Variants in PELI2 observed in about 807,000 individuals in gnomAD.
The protein encoded by PELI2 is E3 ubiquitin-protein ligase pellino homolog 2.
A neutral mutation model predicts 42.3 loss-of-function variants in PELI2; 23 were observed. The observed-to-expected ratio is 0.54, with a 90% CI of 0.39 to 0.77. PELI2 has a LOEUF of 0.77. Ranked by LOEUF, PELI2 falls within the 30% of genes least tolerant of loss-of-function variation. The pLI is 0.00. For missense variants in PELI2, 463 were observed against 553.2 expected (o/e 0.84, Z 1.64); for synonymous variants, 245 against 212.2 (o/e 1.15, Z -1.34).
chr14:56,161,600 A>G (rs1318886449), intron 1 of PELI2, among the ~76,000 whole-genome samples: 5 of 152,258 alleles, frequency 3.3e-5, no homozygotes, highest in Admixed American at 6.5e-5. Flanking sequence ...TACCTTGACT[A>G]TCTTGCCTAC....
At chr14:56,276,478 C>G (rs540452387) in intron 2 of PELI2, among the ~76,000 whole-genome samples, 1 of 152,144 alleles carries the variant, frequency 6.6e-6, no homozygotes, top group Admixed American at 6.5e-5. Context: ...ACCAGTACTC[C>G]GGGCCTTTGT....
intron 2 of PELI2, among the ~76,000 whole-genome samples, chr14:56,198,460 AG>A (rs1246942460): frequency 3.9e-5 from 6 of 152,222 alleles, no homozygotes; most frequent in Non-Finnish European, 8.8e-5. Context: ...AGACTGGAGT[AG>A]CTGACAACAT....
intron 3 of PELI2, among the ~76,000 whole-genome samples, chr14:56,282,705 C>T (rs1300949217): frequency 6.6e-6 from 1 of 152,014 alleles, no homozygotes; most frequent in East Asian, 1.9e-4. Context: ...TGTGGTTTTA[C>T]TCTCCATGCC....
chr14:56,213,030 G>C (rs1419063890), intron 2 of PELI2, among the ~76,000 whole-genome samples: 1 of 152,190 alleles, frequency 6.6e-6, no homozygotes, highest in Non-Finnish European at 1.5e-5. Flanking sequence ...GATGGCAGGG[G>C]CCCTTTCCTA....
intron 1 of PELI2, among the ~76,000 whole-genome samples, chr14:56,164,667 C>G (rs534123586): frequency 6.6e-6 from 1 of 152,180 alleles, no homozygotes; most frequent in East Asian, 1.9e-4. Context: ...TCACCAGGTT[C>G]CGGGCTTTTC....
chr14:56,181,840 A>ATGTGTGTGTGTGTGTG (rs3042510), intron 2 of PELI2, among the ~76,000 whole-genome samples: 12 of 148,360 alleles, frequency 8.1e-5, no homozygotes, highest in Admixed American at 6.7e-4. Flanking sequence ...TGATTATGTA[A>ATGTGTGTGTGTGTGTG]TGTGTGTGTG....
At chr14:56,205,212 A>T (rs1320659109) in intron 2 of PELI2, among the ~76,000 whole-genome samples, 1 of 152,054 alleles carries the variant, frequency 6.6e-6, no homozygotes, top group East Asian at 1.9e-4. Flanking sequence ...TTACGGGTAC[A>T]TGCTACCGTG....
chr14:56,169,315 A>C (rs903281223), intron 1 of PELI2, among the ~76,000 whole-genome samples: 1 of 152,194 alleles, frequency 6.6e-6, no homozygotes, highest in South Asian at 2.1e-4. Context: ...CCAAGTTTAC[A>C]TGGAGACACA....
chr14:56,212,216 A>G (rs1032919242), intron 2 of PELI2, among the ~76,000 whole-genome samples: 6 of 152,382 alleles, frequency 3.9e-5, no homozygotes, highest in African/African-American at 1.4e-4. Context: ...TCTACAAAAC[A>G]ATCCATTCTC....
intron 1 of PELI2, among the ~76,000 whole-genome samples, chr14:56,153,139 G>A (rs2139624991): frequency 6.6e-6 from 1 of 152,068 alleles, no homozygotes; most frequent in East Asian, 1.9e-4. Context: ...CATTACATTA[G>A]CATTTTAAAA....
chr14:56,187,893 G>C (rs1280677856), intron 2 of PELI2, among the ~76,000 whole-genome samples: 4 of 152,208 alleles, frequency 2.6e-5, no homozygotes, highest in African/African-American at 9.6e-5. Context: ...GGTGAGCCCT[G>C]CAGGATCGCC....
At chr14:56,186,247 G>T (rs1349437880) in intron 2 of PELI2, among the ~76,000 whole-genome samples, 2 of 152,112 alleles carry the variant, frequency 1.3e-5, no homozygotes, top group Non-Finnish European at 2.9e-5. Flanking sequence ...GAACAGCCCT[G>T]GCAGCTGTCC....
At chr14:56,168,377 C>CA (rs112692770) in intron 1 of PELI2, among the ~76,000 whole-genome samples, 1 of 152,150 alleles carries the variant, frequency 6.6e-6, no homozygotes, top group African/African-American at 2.4e-5. Flanking sequence ...AGTTGGCCCT[C>CA]AAACTAGAAG....
chr14:56,226,138 A>T (rs1887346330), intron 2 of PELI2, among the ~76,000 whole-genome samples: 1 of 151,970 alleles, frequency 6.6e-6, no homozygotes, highest in Non-Finnish European at 1.5e-5. Context: ...TCATAGTTTG[A>T]TTGAGACCCC....
chr14:56,279,178 G>A (rs1889394378), intron 2 of PELI2, among the ~76,000 whole-genome samples: 1 of 152,110 alleles, frequency 6.6e-6, no homozygotes, highest in African/African-American at 2.4e-5. Context: ...GTTATCATTG[G>A]CTAGGACGGT....
At chr14:56,135,953 G>A (rs1883674887) in intron 1 of PELI2, among the ~76,000 whole-genome samples, 1 of 152,134 alleles carries the variant, frequency 6.6e-6, no homozygotes, top group African/African-American at 2.4e-5. Context: ...ATCATATGGA[G>A]TCTGCTTGCA....
At chr14:56,274,735 C>G (rs185226203) in intron 2 of PELI2, among the ~76,000 whole-genome samples, 3 of 152,292 alleles carry the variant, frequency 2.0e-5, no homozygotes, top group Admixed American at 1.3e-4. Context: ...GAGCCTGTGA[C>G]ACAAGCAGCA....
chr14:56,196,523 A>T (rs902193669), intron 2 of PELI2, among the ~76,000 whole-genome samples: 27 of 152,360 alleles, frequency 1.8e-4, no homozygotes, highest in African/African-American at 6.3e-4. Context: ...GAAAGAAAAA[A>T]ATCTGCAACC....
chr14:56,174,381 G>T (rs1354274635), intron 1 of PELI2, among the ~76,000 whole-genome samples: 1 of 152,168 alleles, frequency 6.6e-6, no homozygotes, highest in African/African-American at 2.4e-5. Context: ...AGTCATGTTA[G>T]CCATTTGCTT....
Sources: gnomAD v4.1 joint callset for allele counts (sites outside exome capture counted in the v4.1 genomes callset) on GRCh38, gnomAD v4.1.1 for gene constraint, MANE v1.5 for transcripts, NCBI Gene and HGNC (gene_info 2026-07-23, HGNC 2026-07-21) for gene names.